CFAP54: variants seen among roughly 807,000 people sequenced by gnomAD.
CFAP54 encodes cilia and flagella associated protein 54.
CFAP54 carries 290 observed loss-of-function variants against 370.4 expected under a neutral mutation model. That is an observed-to-expected ratio of 0.78 (90% CI 0.71 to 0.86). CFAP54 has a LOEUF of 0.86. CFAP54 is among the 40% of genes least tolerant of loss of function. The pLI, the probability that CFAP54 is intolerant of heterozygous loss-of-function variation, is 0.00. For synonymous variants in CFAP54, 1,206 were observed against 1,236.5 expected, an observed-to-expected ratio of 0.98 and a Z score of 0.52; for missense variants, 3,399 against 3,528.7, an observed-to-expected ratio of 0.96 and a Z score of 0.93.
rs1424171100 is a variant in CFAP54 at position 96,631,771 on chromosome 12, GTC to G, written c.4316+1125_4316+1126del. 5.3e-5 allele frequency among the ~76,000 whole-genome samples: 8 copies of G among 149,642 alleles called. No individual in the cohort carries two copies. In the South Asian group the frequency reaches 8.4e-4, roughly 16 times the overall value. On this transcript the variant is annotated intron_variant, in intron 32 of 67. Transcript: ENST00000524981. The stretch of plus-strand genomic sequence containing the variant: ...ATAAATTTTTTAAATGATTTATTCA[GTC>G]TCTCATAAATAAACATTTAAATTCT...
intron 22 of CFAP54, among the ~76,000 whole-genome samples, chr12:96,582,741 T>C (rs1321391308): frequency 1.3e-5 from 2 of 152,164 alleles, no homozygotes; most frequent in Non-Finnish European, 2.9e-5. Context: ...ACTGCTGGGA[T>C]AATGAGTAGT....
chr12:96,801,322 A>G (rs1463000822), intron 63 of CFAP54, among the ~76,000 whole-genome samples: 1 of 152,218 alleles, frequency 6.6e-6, no homozygotes, highest in East Asian at 1.9e-4. Context: ...GGTTGACAAA[A>G]TTATCTTTAA....
intron 32 of CFAP54, 46 bp downstream of exon 32, chr12:96,630,697 C>T (rs1187144092): frequency 1.6e-6 from 2 of 1,235,092 alleles, no homozygotes; most frequent in Admixed American, 2.9e-5. Flanking sequence ...TTGAGGGTAA[C>T]TATGTGTTGG....
intron 25 of CFAP54, among the ~76,000 whole-genome samples, chr12:96,595,777 C>T (rs770644442): frequency 4.6e-5 from 7 of 152,086 alleles, no homozygotes; most frequent in Non-Finnish European, 8.8e-5. Flanking sequence ...TCATCCAAAA[C>T]CCAAAGGTGC....
At chr12:96,562,074 C>T in intron 17 of CFAP54, among the ~76,000 whole-genome samples, 1 of 152,120 alleles carries the variant, frequency 6.6e-6, no homozygotes, top group Non-Finnish European at 1.5e-5. Context: ...GTGTGAGCCA[C>T]TGCGCCTGAC....
chr12:96,827,821 A>T (rs1385880349), intron 65 of CFAP54, among the ~76,000 whole-genome samples: 1 of 112,748 alleles, frequency 8.9e-6, no homozygotes, highest in African/African-American at 3.6e-5. Context: ...GTAATATATT[A>T]TATATAGTTA....
Position 96,507,208 on chromosome 12 carries a change from A to G in CFAP54, c.739+109A>G, listed in dbSNP as rs143236798. 9.7e-6 allele frequency: 8 copies of G among 826,620 alleles called. No individual in the cohort carries two copies. In the East Asian group the frequency reaches 2.5e-4, roughly 26 times the overall value. The allele number at this position is 826,620 out of a possible 1,614,324, so 51.2% of individuals were successfully genotyped here. A position where few individuals can be genotyped will look rare whatever the true frequency, so the allele number is the denominator to read the frequency against. On this transcript the variant is annotated intron_variant, in intron 4 of 67. Transcript: ENST00000524981. ...GTGATTTAAAACATACGCATTTCATAATAGGATGAATATATTTTTTTCAAC... is the reference window on the plus strand; with the variant it reads ...GTGATTTAAAACATACGCATTTCATGATAGGATGAATATATTTTTTTCAAC...
intron 66 of CFAP54, among the ~76,000 whole-genome samples, chr12:96,838,874 A>G (rs1237710380): frequency 1.3e-5 from 2 of 152,202 alleles, no homozygotes; most frequent in African/African-American, 2.4e-5. Flanking sequence ...GATGGGGAGA[A>G]TGAAGTGGGC....
In CFAP54 at chr12:96,875,417, C is replaced by G. The variant is rs1397661501; in HGVS notation, c.*314C>G. 1 of 152,212 alleles carries G rather than the reference C, an allele frequency of 6.6e-6. No individual in the cohort carries two copies. Among genetic ancestry groups the G allele is most frequent in the Admixed American group, 6.5e-5 (1 of 15,282 alleles). The allele number at this position is 152,212 out of a possible 1,614,324, so 9.4% of individuals were successfully genotyped here. A position where few individuals can be genotyped will look rare whatever the true frequency, so the allele number is the denominator to read the frequency against. ...CCTATCTTCTCTGTGAGTTCCAGGT[C>G]TGTATATCTCCTCAGCTCGCTCTCA... On this transcript the variant is annotated 3_prime_UTR_variant, in exon 68 of 68. Transcript: ENST00000524981.
At chr12:96,815,020 T>C (rs1279852203) in intron 64 of CFAP54, among the ~76,000 whole-genome samples, 1 of 152,218 alleles carries the variant, frequency 6.6e-6, no homozygotes, top group Non-Finnish European at 1.5e-5. Flanking sequence ...AACATACATG[T>C]GCATATTTCT....
At chr12:96,844,786 C>T (rs1343729843) in intron 66 of CFAP54, among the ~76,000 whole-genome samples, 1 of 152,182 alleles carries the variant, frequency 6.6e-6, no homozygotes, top group Admixed American at 6.5e-5. Context: ...ATACTCTAAG[C>T]TCCTTCTCAC....
At chr12:96,582,291 T>C (rs1227396302) in intron 22 of CFAP54, among the ~76,000 whole-genome samples, 1 of 152,134 alleles carries the variant, frequency 6.6e-6, no homozygotes, top group Admixed American at 6.6e-5. Context: ...TTAAAACATG[T>C]CATCAGTGAA....
chr12:96,787,629 C>G (rs1375963957), intron 62 of CFAP54, among the ~76,000 whole-genome samples: 1 of 152,114 alleles, frequency 6.6e-6, no homozygotes, highest in Non-Finnish European at 1.5e-5. Flanking sequence ...TGGTATTCAA[C>G]CAACCTATGT....
At chr12:96,738,121 C>T (rs1417783946) in intron 50 of CFAP54, among the ~76,000 whole-genome samples, 1 of 152,060 alleles carries the variant, frequency 6.6e-6, no homozygotes, top group Non-Finnish European at 1.5e-5. Flanking sequence ...TGAACGAACG[C>T]GTTAGCAGTG....
chr12:96,693,485 T>C (rs1430335370), intron 44 of CFAP54, among the ~76,000 whole-genome samples: 1 of 152,170 alleles, frequency 6.6e-6, no homozygotes, highest in Non-Finnish European at 1.5e-5. Context: ...AGGTTTGGGG[T>C]ACCAAATGGC....
At chr12:96,585,035 CTCTCT>C (rs1454443083) in intron 22 of CFAP54, among the ~76,000 whole-genome samples, 1 of 66,800 alleles carries the variant, frequency 1.5e-5, no homozygotes, top group Non-Finnish European at 3.4e-5. Flanking sequence ...ATCTCTCTCT[CTCTCT>C]TTTTTTTTTT....
At chr12:96,583,240 G>A (rs1489367163) in intron 22 of CFAP54, among the ~76,000 whole-genome samples, 2 of 152,054 alleles carry the variant, frequency 1.3e-5, no homozygotes, top group East Asian at 1.9e-4. Flanking sequence ...TCTATTTTCT[G>A]TGGCTATTTT....
chr12:96,580,399 A>C (rs1285473092), intron 20 of CFAP54, among the ~76,000 whole-genome samples, 198 bp from the exon 21 acceptor site: 1 of 152,146 alleles, frequency 6.6e-6, no homozygotes, highest in Non-Finnish European at 1.5e-5. Flanking sequence ...AATAATGAAT[A>C]ATATCTTAGT....
At chr12:96,540,642 T>TGATTAAATGATA (rs1369660098) in intron 13 of CFAP54, among the ~76,000 whole-genome samples, 195 bp from the exon 14 acceptor site, 2 of 152,262 alleles carry the variant, frequency 1.3e-5, no homozygotes, top group Admixed American at 1.3e-4. Flanking sequence ...GATTGATTAC[T>TGATTAAATGATA]AAATATCATT....
Sources: gnomAD v4.1 joint callset for allele counts (sites outside exome capture counted in the v4.1 genomes callset) on GRCh38, gnomAD v4.1.1 for gene constraint, MANE v1.5 for transcripts, NCBI Gene and HGNC (gene_info 2026-07-23, HGNC 2026-07-21) for gene names.